The following NOTCH2 variants were observed in gnomAD, a reference collection of about 807,000 sequenced individuals.
NOTCH2 encodes notch receptor 2.
A neutral mutation model predicts 235.8 loss-of-function variants in NOTCH2; 29 were observed. The ratio of observed to expected loss-of-function variants is 0.12; its 90% confidence interval spans 0.09 to 0.17. The LOEUF (loss-of-function observed/expected upper bound fraction) is 0.17. Ranked by LOEUF, NOTCH2 falls within the 10% of genes least tolerant of loss-of-function variation. The probability of loss-of-function intolerance (pLI) is 1.00; values close to 1 mark genes in which losing one functional copy is unlikely to be tolerated. For missense variants in NOTCH2, 2,285 were observed against 3,150.2 expected, an observed-to-expected ratio of 0.73 and a Z score of 6.57; for synonymous variants, 1,086 against 1,141.5, an observed-to-expected ratio of 0.95 and a Z score of 0.98.
intron 23 of NOTCH2, among the ~76,000 whole-genome samples, chr1:119,927,745 G>A (rs587753211): frequency 2.0e-5 from 3 of 152,336 alleles, no homozygotes; most frequent in Admixed American, 2.0e-4. Flanking sequence ...ATACGAGGCT[G>A]TAGACAGATT....
intron 5 of NOTCH2, among the ~76,000 whole-genome samples, chr1:119,983,785 C>A (rs782374311): frequency 1.9e-4 from 29 of 151,942 alleles, no homozygotes; most frequent in Non-Finnish European, 2.9e-4. Flanking sequence ...AAACACCAAG[C>A]CTTTTATGTA....
At position 119,914,697 on chromosome 1, in the gene NOTCH2, G is replaced by A. The variant is rs895685653; in HGVS notation, c.*609C>T. ...AACCATACCAAAGTAAACCTTGTGAGACTCCAAGGGATACCGGGAAGACAG... is the reference window on the plus strand; with the variant it reads ...AACCATACCAAAGTAAACCTTGTGAAACTCCAAGGGATACCGGGAAGACAG... On this transcript the variant is annotated 3_prime_UTR_variant, in exon 34 of 34. Coordinates refer to ENST00000256646, the MANE Select transcript of NOTCH2 (RefSeq NM_024408.4). 1 of 246,222 alleles carries A rather than the reference G, an allele frequency of 4.1e-6. No individual in the cohort carries two copies. The highest frequency in any genetic ancestry group is 8.0e-6 in the Non-Finnish European group (1 of 124,578). The allele number at this position is 246,222 out of a possible 1,614,324, so 15.3% of individuals were successfully genotyped here.
At chr1:119,953,130 G>A (rs1650546186) in intron 14 of NOTCH2, among the ~76,000 whole-genome samples, 2 of 152,118 alleles carry the variant, frequency 1.3e-5, no homozygotes, top group Admixed American at 6.6e-5. Context: ...TAACCAACAT[G>A]GAGAAACCCC....
At chr1:119,998,081 C>A (rs1358894192) in intron 3 of NOTCH2, among the ~76,000 whole-genome samples, 1 of 145,524 alleles carries the variant, frequency 6.9e-6, no homozygotes, top group Non-Finnish European at 1.5e-5. Flanking sequence ...ATCCTTAGTG[C>A]CCCTCACATA....
chr1:119,942,574 T>C (rs1448398494), intron 17 of NOTCH2, among the ~76,000 whole-genome samples: 1 of 152,232 alleles, frequency 6.6e-6, no homozygotes, highest in Non-Finnish European at 1.5e-5. Context: ...ATTAAAGCAA[T>C]TGTAAAAATT....
rs147019140 is a variant in NOTCH2, at chr1:119,986,743, T to C, written c.874+217A>G. Among the ~76,000 whole-genome samples, 97 of 152,312 alleles carry C rather than the reference T, an allele frequency of 6.4e-4. 2 individuals carry two copies. Among genetic ancestry groups the C allele is most frequent in the African/African-American group, 2.3e-3 (95 of 41,558 alleles). ...AGCATGGTGCTGGGTTCAGAGTTGCTGCCCAATAATACCTGTGAAAATATG... is the reference window on the plus strand; with the variant it reads ...AGCATGGTGCTGGGTTCAGAGTTGCCGCCCAATAATACCTGTGAAAATATG... On this transcript the variant is annotated intron_variant, in intron 5 of 33. Coordinates refer to ENST00000256646, the MANE Select transcript of NOTCH2 (RefSeq NM_024408.4).
chr1:119,937,527 C>T, intron 20 of NOTCH2, 61 bp from the exon 21 acceptor site: 1 of 1,499,632 alleles, frequency 6.7e-7, no homozygotes, highest in Non-Finnish European at 9.1e-7. Context: ...GGGTTCAAAT[C>T]AACCAATGAG....
chr1:120,006,614 T>C (rs1186202372), intron 2 of NOTCH2, among the ~76,000 whole-genome samples: 12 of 148,366 alleles, frequency 8.1e-5, no homozygotes, highest in Non-Finnish European at 1.6e-4. Flanking sequence ...AATGCTGCTA[T>C]ATATTTGGCT....
chr1:119,940,534 A>C, intron 19 of NOTCH2, 21 bp downstream of exon 19: 1 of 1,609,098 alleles, frequency 6.2e-7, no homozygotes, highest in Non-Finnish European at 8.5e-7. Context: ...GAGCTGAGTG[A>C]ATGGGAAGGA....
intron 1 of NOTCH2, among the ~76,000 whole-genome samples, chr1:120,065,646 C>A (rs587724180): frequency 3.3e-5 from 5 of 152,186 alleles, no homozygotes; most frequent in African/African-American, 9.6e-5. Flanking sequence ...TAATAACAGA[C>A]CTGGAGAAGA....
chr1:119,914,208 G>A lies in NOTCH2; in HGVS notation c.*1098C>T. 4.3e-6 allele frequency: 1 copy of A among 233,262 alleles called. No individual in the cohort carries two copies. The highest frequency in any genetic ancestry group is 8.5e-6 in the Non-Finnish European group (1 of 118,042). 14.4% of individuals were successfully genotyped at this position (233,262 alleles called of 1,614,324 possible). Reference sequence around the variant, plus strand: ...CTAGTTTCATATGCTGGGTGAGTGAGTGAAACAGGCCTAGAATGCTCAGAT... The same window carrying A: ...CTAGTTTCATATGCTGGGTGAGTGAATGAAACAGGCCTAGAATGCTCAGAT... On this transcript the variant is annotated 3_prime_UTR_variant, in exon 34 of 34. Transcript: ENST00000256646.
intron 1 of NOTCH2, 184 bp downstream of exon 1, chr1:120,069,150 T>C (rs1553217783): frequency 6.5e-7 from 1 of 1,527,080 alleles, no homozygotes. Context: ...CCCCGGCGGT[T>C]GGCGGGGCAC....
intron 8 of NOTCH2, 46 bp downstream of exon 8, chr1:119,967,387 A>G (rs782167189): frequency 5.2e-6 from 8 of 1,539,452 alleles, no homozygotes; most frequent in Non-Finnish European, 5.4e-6. Context: ...AGAAGTTCAG[A>G]ACAGTCCCTC....
chr1:120,058,278 C>T (rs373815198), intron 1 of NOTCH2, among the ~76,000 whole-genome samples: 26,873 of 151,432 alleles, frequency 0.18, 2,600 homozygotes, highest in African/African-American at 0.31. Context: ...CTGAGGCGGG[C>T]GGATCACCTG....
chr1:119,934,351 T>C (rs1428640184), intron 22 of NOTCH2, among the ~76,000 whole-genome samples: 1 of 152,200 alleles, frequency 6.6e-6, no homozygotes, highest in Non-Finnish European at 1.5e-5. Context: ...AGGTATTCTT[T>C]TATAGCAACA....
chr1:120,023,230 G>A (rs1653700200), intron 2 of NOTCH2, among the ~76,000 whole-genome samples: 1 of 150,952 alleles, frequency 6.6e-6, no homozygotes, highest in South Asian at 2.1e-4. Context: ...GAGGTCAGGA[G>A]ATAGAGACCA....
intron 6 of NOTCH2, among the ~76,000 whole-genome samples, chr1:119,968,748 A>G (rs1553200009): frequency 6.6e-6 from 1 of 152,136 alleles, no homozygotes; most frequent in Non-Finnish European, 1.5e-5. Flanking sequence ...AACATTCCTG[A>G]TTCAGGTGGC....
At chr1:119,958,879 C>T (rs782497959) in intron 12 of NOTCH2, among the ~76,000 whole-genome samples, 3 of 152,134 alleles carry the variant, frequency 2.0e-5, no homozygotes, top group Non-Finnish European at 4.4e-5. Context: ...CTCTCTCATG[C>T]TACCCAAATT....
Position 119,948,401 on chromosome 1 carries a change from CT to C in NOTCH2, c.2752+12del. The C allele has an allele frequency of 2.5e-6, 4 of 1,613,966 alleles. No individual in the cohort carries two copies. Among genetic ancestry groups the C allele is most frequent in the Non-Finnish European group, 3.4e-6 (4 of 1,180,036 alleles). ...TCTCCTCTGGGGGCTTAAGAGCTGA[CT>C]GGCATACTCACTGGCAAGGCAGTCA... On this transcript the variant is annotated intron_variant, in intron 17 of 33. Coordinates refer to ENST00000256646, the MANE Select transcript of NOTCH2 (RefSeq NM_024408.4).
Sources: gnomAD v4.1 joint callset for allele counts (sites outside exome capture counted in the v4.1 genomes callset) on GRCh38, gnomAD v4.1.1 for gene constraint, MANE v1.5 for transcripts, NCBI Gene and HGNC (gene_info 2026-07-23, HGNC 2026-07-21) for gene names.